Variants in GALNT14 observed in about 807,000 individuals in gnomAD.
The protein encoded by GALNT14 is polypeptide N-acetylgalactosaminyltransferase 14.
A neutral mutation model predicts 77.5 loss-of-function variants in GALNT14; 60 were observed. The observed-to-expected ratio is 0.77, with a 90% CI of 0.63 to 0.96. GALNT14 has a LOEUF of 0.96. GALNT14 is among the 40% of genes least tolerant of loss of function. The pLI is 0.00. For missense variants in GALNT14, 710 were observed against 731.0 expected (o/e 0.97, Z 0.33); for synonymous variants, 280 against 281.7 (o/e 0.99, Z 0.06).
At chr2:31,051,271 T>A (rs1275419372) in intron 1 of GALNT14, among the ~76,000 whole-genome samples, 1 of 152,230 alleles carries the variant, frequency 6.6e-6, no homozygotes, top group African/African-American at 2.4e-5. Flanking sequence ...GCGCAGTTGC[T>A]TGGTGAAGCA....
intron 1 of GALNT14, among the ~76,000 whole-genome samples, chr2:31,136,069 G>A (rs917708264): frequency 6.6e-6 from 1 of 152,170 alleles, no homozygotes; most frequent in African/African-American, 2.4e-5. Flanking sequence ...ATCACAGGGA[G>A]CAGAACCACC....
chr2:31,047,705 A>G (rs1673556486), intron 1 of GALNT14, among the ~76,000 whole-genome samples: 1 of 152,220 alleles, frequency 6.6e-6, no homozygotes, highest in South Asian at 2.1e-4. Flanking sequence ...GGGATGGCCC[A>G]GGAGAGCATT....
At chr2:30,934,355 C>T (rs930844877) in intron 9 of GALNT14, among the ~76,000 whole-genome samples, 1 of 152,160 alleles carries the variant, frequency 6.6e-6, no homozygotes, top group African/African-American at 2.4e-5. Context: ...GCTCCAGTTC[C>T]CAAAATGGAA....
intron 6 of GALNT14, among the ~76,000 whole-genome samples, chr2:30,950,744 G>A (rs1449361843): frequency 6.6e-6 from 1 of 152,234 alleles, no homozygotes; most frequent in East Asian, 1.9e-4. Context: ...CTCAGGTGGG[G>A]CAAGGACCCA....
chr2:31,080,375 G>C (rs1466656052), intron 1 of GALNT14, among the ~76,000 whole-genome samples: 1 of 152,148 alleles, frequency 6.6e-6, no homozygotes, highest in Admixed American at 6.5e-5. Context: ...TTGTTGTTTT[G>C]TTGAAATTCC....
chr2:30,914,790 G>T (rs968134636), intron 13 of GALNT14, among the ~76,000 whole-genome samples: 1 of 152,180 alleles, frequency 6.6e-6, no homozygotes, highest in Non-Finnish European at 1.5e-5. Flanking sequence ...ACCCACGCAG[G>T]GTTTTGAATT....
At chr2:31,087,978 G>C (rs555394807) in intron 1 of GALNT14, among the ~76,000 whole-genome samples, 1 of 152,154 alleles carries the variant, frequency 6.6e-6, no homozygotes, top group Non-Finnish European at 1.5e-5. Flanking sequence ...CAATGATAGC[G>C]GTCTATGAAC....
intron 1 of GALNT14, among the ~76,000 whole-genome samples, chr2:31,117,059 A>C (rs1678142072): frequency 6.6e-6 from 1 of 152,168 alleles, no homozygotes; most frequent in South Asian, 2.1e-4. Context: ...ATTAAAAAAA[A>C]GAATATTCAG....
chr2:31,132,752 C>G (rs1426510715), intron 1 of GALNT14: 3 of 470,858 alleles, frequency 6.4e-6, no homozygotes, highest in Admixed American at 4.7e-5. Context: ...CAAAAGAAAC[C>G]CCCATCTTGC....
Position 30,910,791 on chromosome 2 carries a change from C to G in GALNT14, c.*110G>C, listed in dbSNP as rs548808600. 8.2e-7 allele frequency: 1 copy of G among 1,224,052 alleles called. No individual in the cohort carries two copies. Among genetic ancestry groups the G allele is most frequent in the South Asian group, 1.4e-5 (1 of 69,042 alleles). The allele number at this position is 1,224,052 out of a possible 1,614,324, so 75.8% of individuals were successfully genotyped here. A position where few individuals can be genotyped will look rare whatever the true frequency, so the allele number is the denominator to read the frequency against. ...TCCTGGGGGGCTCTGCCTCCACCTC[C>G]CAGTCCAGGATGTCTGAGGTGGTTG... On this transcript the variant is annotated 3_prime_UTR_variant, in exon 15 of 15. Coordinates refer to ENST00000349752, the MANE Select transcript of GALNT14 (RefSeq NM_024572.4).
intron 1 of GALNT14, among the ~76,000 whole-genome samples, chr2:31,122,368 A>G (rs910041426): frequency 6.6e-6 from 1 of 152,258 alleles, no homozygotes; most frequent in Non-Finnish European, 1.5e-5. Flanking sequence ...AGGAATCCCC[A>G]TCCCCACATG....
intron 1 of GALNT14, among the ~76,000 whole-genome samples, chr2:31,118,026 T>A (rs1678200513): frequency 6.6e-6 from 1 of 152,220 alleles, no homozygotes; most frequent in Admixed American, 6.5e-5. Flanking sequence ...CCAAGTTAGT[T>A]ACATGCTACT....
chr2:30,981,632 G>T (rs555947620), intron 2 of GALNT14, among the ~76,000 whole-genome samples: 1 of 152,074 alleles, frequency 6.6e-6, no homozygotes, highest in African/African-American at 2.4e-5. Context: ...GGAAGTCTGC[G>T]AGGGGAAAGA....
At chr2:31,099,392 T>C (rs561810583) in intron 1 of GALNT14, among the ~76,000 whole-genome samples, 1 of 152,182 alleles carries the variant, frequency 6.6e-6, no homozygotes, top group African/African-American at 2.4e-5. Context: ...TGTAGATTCT[T>C]TTTGCTACTT....
At chr2:30,956,025 A>G (rs1284077920) in intron 4 of GALNT14, 48 bp from the exon 5 acceptor site, 3 of 1,591,202 alleles carry the variant, frequency 1.9e-6, no homozygotes, top group Non-Finnish European at 2.6e-6. Flanking sequence ...GGATGGACCT[A>G]CGTGTTACAA....
intron 1 of GALNT14, among the ~76,000 whole-genome samples, chr2:31,136,248 T>TAA: frequency 6.6e-6 from 1 of 152,108 alleles, no homozygotes; most frequent in African/African-American, 2.4e-5. Flanking sequence ...ACCCAGCCCC[T>TAA]ACACACCTCC....
At chr2:31,095,143 G>T (rs1676937899) in intron 1 of GALNT14, among the ~76,000 whole-genome samples, 1 of 152,052 alleles carries the variant, frequency 6.6e-6, no homozygotes, top group Admixed American at 6.6e-5. Flanking sequence ...GTAAAACAGG[G>T]GGCAACAACC....
chr2:31,081,144 A>C (rs145680581), intron 1 of GALNT14, among the ~76,000 whole-genome samples: 1 of 152,346 alleles, frequency 6.6e-6, no homozygotes, highest in East Asian at 1.9e-4. Flanking sequence ...TCCGAAAATA[A>C]AACCCAGTGG....
intron 1 of GALNT14, among the ~76,000 whole-genome samples, chr2:31,058,408 G>T (rs949047384): frequency 2.0e-5 from 3 of 152,140 alleles, no homozygotes; most frequent in African/African-American, 7.2e-5. Context: ...GGCAGGTGCT[G>T]GGCTCTGAGA....
Sources: allele counts gnomAD v4.1 joint callset (sites outside exome capture counted in the v4.1 genomes callset), GRCh38; gene constraint gnomAD v4.1.1; transcripts MANE v1.5; gene names NCBI Gene and HGNC (gene_info 2026-07-23, HGNC 2026-07-21).